ZNF141: variants seen among roughly 807,000 people sequenced by gnomAD.
ZNF141 encodes zinc finger protein 141.
Under a neutral mutation model 11.3 loss-of-function variants are expected in ZNF141, and 7 were observed. The ratio of observed to expected loss-of-function variants is 0.62; its 90% CI spans 0.35 to 1.16. The LOEUF is 1.16. Among genes scored for constraint, ZNF141 ranks in the 50% most tolerant of loss-of-function variants. The pLI is 0.02. For missense variants in ZNF141, 535 were observed against 554.0 expected, an observed-to-expected ratio of 0.97 and a Z score of 0.34; for synonymous variants, 183 against 190.7, an observed-to-expected ratio of 0.96 and a Z score of 0.33.
rs574754455 is a variant in ZNF141, at chr4:377,525, C to G, written c.*3663C>G. 1.0e-3 allele frequency among the ~76,000 whole-genome samples: 153 copies of G among 152,276 alleles called. No homozygotes were observed. The highest frequency in any genetic ancestry group is 3.5e-3 in the African/African-American group (147 of 41,562). Reference sequence around the variant, plus strand: ...CTATGTATGCCTCAGAGCCTTTCTTCATTTTTGCGTTATGGCTAGTTTGTC... The same window carrying G: ...CTATGTATGCCTCAGAGCCTTTCTTGATTTTTGCGTTATGGCTAGTTTGTC... On this transcript the variant is annotated 3_prime_UTR_variant, in exon 4 of 4. Coordinates refer to ENST00000240499, the MANE Select transcript of ZNF141 (RefSeq NM_003441.4).
At chr4:356,519 G>GT (rs1287906006) in intron 3 of ZNF141, among the ~76,000 whole-genome samples, 1 of 151,702 alleles carries the variant, frequency 6.6e-6, no homozygotes, top group African/African-American at 2.4e-5. Flanking sequence ...TAGAGTTGGG[G>GT]TTTCACTGTG....
At chr4:341,152 C>T (rs563844560) in intron 1 of ZNF141, among the ~76,000 whole-genome samples, 22 of 151,904 alleles carry the variant, frequency 1.4e-4, no homozygotes, top group Non-Finnish European at 2.5e-4. Context: ...ACTGCAACCT[C>T]CGCCTCCCAG....
chr4:357,410 C>T (rs1553851349), intron 3 of ZNF141, among the ~76,000 whole-genome samples: 2 of 147,042 alleles, frequency 1.4e-5, no homozygotes, highest in African/African-American at 5.0e-5. Context: ...TAGAGTGAGA[C>T]TCTGTCTCAA....
At chr4:372,140 CA>C (rs1325320304) in intron 3 of ZNF141, among the ~76,000 whole-genome samples, 1 of 152,218 alleles carries the variant, frequency 6.6e-6, no homozygotes, top group African/African-American at 2.4e-5. Flanking sequence ...CTGTATTTAG[CA>C]CTGCAGTCTG....
At chr4:351,902 G>C (rs1283935697) in intron 3 of ZNF141, among the ~76,000 whole-genome samples, 3 of 152,168 alleles carry the variant, frequency 2.0e-5, no homozygotes, top group Non-Finnish European at 2.9e-5. Context: ...TCCTCTGAGA[G>C]GGTGTAATTG....
chr4:358,079 T>G lies in ZNF141; in HGVS notation c.226+13649T>G, dbSNP rs1721930997. On this transcript the variant is annotated intron_variant, in intron 3 of 3. Coordinates refer to ENST00000240499, the MANE Select transcript of ZNF141 (RefSeq NM_003441.4). The stretch of plus-strand genomic sequence containing the variant: ...ACTTACTTTTAAGTTTGCTTATTTT[T>G]TTTTCCTGTAGAACTGAGTCTTCTG... 2.9e-5 allele frequency: 8 copies of G among 280,382 alleles called. 1 individual carries two copies. Among genetic ancestry groups the G allele is most frequent in the South Asian group, 2.3e-4 (8 of 34,916 alleles). The allele number at this position is 280,382 out of a possible 1,614,324, so 17.4% of individuals were successfully genotyped here.
At chr4:370,209 T>C (rs2108651094) in intron 3 of ZNF141, among the ~76,000 whole-genome samples, 1 of 152,340 alleles carries the variant, frequency 6.6e-6, no homozygotes, top group South Asian at 2.1e-4. Flanking sequence ...TGATGAATAG[T>C]TTATAATCAT....
chr4:368,612 CATTACTTTCATTT>C (rs1287876521), intron 3 of ZNF141, among the ~76,000 whole-genome samples: 3 of 152,180 alleles, frequency 2.0e-5, no homozygotes, highest in African/African-American at 4.8e-5. Context: ...GAGAAATTTT[CATTACTTTCATTT>C]ATTTGCTTTC....
At chr4:365,168 G>A (rs910799926) in intron 3 of ZNF141, among the ~76,000 whole-genome samples, 3 of 152,172 alleles carry the variant, frequency 2.0e-5, no homozygotes, top group East Asian at 1.9e-4. Context: ...CTGGTGTGCC[G>A]TTTGCTAAGA....
chr4:369,465 G>T (rs1200644922), intron 3 of ZNF141, among the ~76,000 whole-genome samples: 1 of 151,674 alleles, frequency 6.6e-6, no homozygotes, highest in Non-Finnish European at 1.5e-5. Flanking sequence ...GTTGGATCTT[G>T]TTTTTTAATT....
In ZNF141 at chr4:380,211, G is replaced by C. The variant is rs2108661805; in HGVS notation, c.*6349G>C. On this transcript the variant is annotated 3_prime_UTR_variant, in exon 4 of 4. Transcript: ENST00000240499. ...ATTTCCTTGTGTATACCACGTTTTT[G>C]GAAAAATACATTCATTTCTTGGTTG... is the stretch of plus-strand genomic sequence containing the variant. 6.6e-6 allele frequency among the ~76,000 whole-genome samples: 1 copy of C among 152,068 alleles called. No homozygotes were observed. Among genetic ancestry groups the C allele is most frequent in the East Asian group, 1.9e-4 (1 of 5,184 alleles).
rs1393823321 is a variant in ZNF141 at position 375,999 on chromosome 4, A to G, written c.*2137A>G. 6.6e-6 allele frequency among the ~76,000 whole-genome samples: 1 copy of G among 152,074 alleles called. No homozygotes were observed. Among genetic ancestry groups the G allele is most frequent in the Non-Finnish European group, 1.5e-5 (1 of 67,898 alleles). Reference sequence around the variant, plus strand: ...ATAGTGAGAGAAAATCTGTTTTAGTAGTAAATTGTTTTACCAATTATACAT... The same window carrying G: ...ATAGTGAGAGAAAATCTGTTTTAGTGGTAAATTGTTTTACCAATTATACAT... On this transcript the variant is annotated 3_prime_UTR_variant, in exon 4 of 4. Transcript: ENST00000240499.
In ZNF141 at chr4:383,816, C is replaced by A. The variant is rs1052224; in HGVS notation, c.*9954C>A. ...CCTCAACCTTTGATTAGCCAAGGAC[C>A]AAATCCTTCATTCAGATAAGGGGTA... On this transcript the variant is annotated 3_prime_UTR_variant, in exon 4 of 4. Coordinates refer to ENST00000240499, the MANE Select transcript of ZNF141 (RefSeq NM_003441.4). The A allele has an allele frequency of 6.6e-6, 1 of 152,306 alleles. No homozygotes were observed. The highest frequency in any genetic ancestry group is 1.5e-5 in the Non-Finnish European group (1 of 68,126). The allele number at this position is 152,306 out of a possible 1,614,324, so 9.4% of individuals were successfully genotyped here.
chr4:370,341 A>G (rs1417760130), intron 3 of ZNF141, among the ~76,000 whole-genome samples: 2 of 151,996 alleles, frequency 1.3e-5, no homozygotes, highest in Non-Finnish European at 2.9e-5. Context: ...TCATATCATC[A>G]TATTTTTTTT....
intron 3 of ZNF141, among the ~76,000 whole-genome samples, chr4:346,376 A>G (rs894571512): frequency 3.3e-5 from 5 of 152,184 alleles, no homozygotes; most frequent in Non-Finnish European, 5.9e-5. Flanking sequence ...CAATGTAATG[A>G]TTTGATATGC....
rs34905613 is a variant in ZNF141 at position 381,946 on chromosome 4, C to CTTTTTTTTT, written c.*8095_*8103dup. Among the ~76,000 whole-genome samples the CTTTTTTTTT allele has an allele frequency of 1.6e-3, 166 of 105,920 alleles. 14 individuals are homozygous for CTTTTTTTTT. Among genetic ancestry groups the CTTTTTTTTT allele is most frequent in the African/African-American group, 6.6e-3 (149 of 22,434 alleles). 69.5% of individuals were successfully genotyped at this position (105,920 alleles called of 152,430 possible). The stretch of plus-strand genomic sequence containing the variant: ...CTAGGGCCACCACCATCTCTGGGAA[C>CTTTTTTTTT]TTTTTTTTTTTTTTTTTTTGAGACG... On this transcript the variant is annotated 3_prime_UTR_variant, in exon 4 of 4. Coordinates refer to ENST00000240499, the MANE Select transcript of ZNF141 (RefSeq NM_003441.4).
At position 381,946 on chromosome 4, in the gene ZNF141, C is replaced by CTTTTTTTT. The variant is rs34905613; in HGVS notation, c.*8096_*8103dup. Among the ~76,000 whole-genome samples the CTTTTTTTT allele has an allele frequency of 1.2e-3, 123 of 105,922 alleles. 10 individuals are homozygous for CTTTTTTTT. Among genetic ancestry groups the CTTTTTTTT allele is most frequent in the African/African-American group, 4.8e-3 (107 of 22,438 alleles). The allele number at this position is 105,922 out of a possible 152,430, so 69.5% of individuals were successfully genotyped here. ...CTAGGGCCACCACCATCTCTGGGAACTTTTTTTTTTTTTTTTTTTGAGACG... is the reference window on the plus strand; with the variant it reads ...CTAGGGCCACCACCATCTCTGGGAACTTTTTTTTTTTTTTTTTTTTTTTTTTTGAGACG... On this transcript the variant is annotated 3_prime_UTR_variant, in exon 4 of 4. Transcript: ENST00000240499.
intron 1 of ZNF141, among the ~76,000 whole-genome samples, chr4:339,654 T>C (rs1236503924): frequency 6.6e-6 from 1 of 152,246 alleles, no homozygotes; most frequent in African/African-American, 2.4e-5. Flanking sequence ...TATTTAAATA[T>C]TTTCTCTGCT....
intron 1 of ZNF141, among the ~76,000 whole-genome samples, chr4:343,321 A>G (rs1721146056): frequency 6.6e-6 from 1 of 152,142 alleles, no homozygotes; most frequent in African/African-American, 2.4e-5. Flanking sequence ...AGAGCTATAG[A>G]ATACTTTAGA....
Sources: gnomAD v4.1 joint callset for allele counts (sites outside exome capture counted in the v4.1 genomes callset) on GRCh38, gnomAD v4.1.1 for gene constraint, MANE v1.5 for transcripts, NCBI Gene and HGNC (gene_info 2026-07-23, HGNC 2026-07-21) for gene names.